The following NR4A3 variants were observed in gnomAD, a reference collection of about 807,000 sequenced individuals.
NR4A3 encodes chondrosarcoma, extraskeletal myxoid, fused to EWS.
A neutral mutation model predicts 55.6 loss-of-function variants in NR4A3; 13 were observed. The observed-to-expected ratio is 0.23, with a 90% confidence interval of 0.15 to 0.37. NR4A3 has a LOEUF of 0.37. Ranked by LOEUF, NR4A3 falls within the 10% of genes least tolerant of loss-of-function variation. The probability of loss-of-function intolerance (pLI) is 1.00; values close to 1 mark genes in which losing one functional copy is unlikely to be tolerated. For missense variants in NR4A3, 646 were observed against 822.8 expected (o/e 0.79, Z 2.63); for synonymous variants, 342 against 357.9 (o/e 0.96, Z 0.50).
rs974055797 is a variant in NR4A3 at position 99,822,199 on chromosome 9, C to G, written c.-385C>G. ...GGCATCCTCCCCCCTGGTCACAGCC[C>G]AAGCCAGGACGCCCGCGGAACCTCT... On this transcript the variant is annotated 5_prime_UTR_variant, in exon 1 of 8. Coordinates refer to ENST00000395097, the MANE Select transcript of NR4A3 (RefSeq NM_006981.4). This position sits in a 1 kb window ranked among gnomAD's most constrained non-coding sequence, Gnocchi z 4.9. 1 of 152,432 alleles carries G rather than the reference C, an allele frequency of 6.6e-6. No homozygotes were observed. Among genetic ancestry groups the G allele is most frequent in the Admixed American group, 6.5e-5 (1 of 15,276 alleles). 9.4% of individuals were successfully genotyped at this position (152,432 alleles called of 1,614,324 possible).
At position 99,833,442 on chromosome 9, in the gene NR4A3, T is replaced by G; in HGVS notation, c.1242T>G (p.Leu414=). 1 of 1,614,122 alleles carries G rather than the reference T, an allele frequency of 6.2e-7. No individual in the cohort carries two copies. The highest frequency in any genetic ancestry group is 1.1e-5 in the South Asian group (1 of 91,080). The stretch of plus-strand genomic sequence containing the variant: ...TAACAGACTCAACACCCAGAGATCT[T>G]GATTATTCCAGAGTAAGTTTTATGA... ...RALTDSTPRD[L]DYSRYCPTDQ... is the part of the protein sequence containing the mutation. The change falls in exon 5 of 8, where the codon CTT becomes CTG. Residue 414 remains leucine, a synonymous_variant. Transcript: ENST00000395097.
rs1827200499 is a variant in NR4A3 at position 99,822,497 on chromosome 9, G to A, written c.-177+90G>A. ...TCGCTCCTGAAATTGACAACTTTGA[G>A]TGTGGGGTTCCCTCCCCTGACCTTG... On this transcript the variant is annotated intron_variant, in intron 1 of 7. Transcript: ENST00000395097. The surrounding 1 kb of genome is among the most constrained non-coding windows in gnomAD (Gnocchi z 4.9). The A allele has an allele frequency of 6.6e-6, 1 of 152,396 alleles. No individual in the cohort carries two copies. Among genetic ancestry groups the A allele is most frequent in the Admixed American group, 6.5e-5 (1 of 15,292 alleles). The allele number at this position is 152,396 out of a possible 1,614,324, so 9.4% of individuals were successfully genotyped here.
intron 7 of NR4A3, among the ~76,000 whole-genome samples, chr9:99,851,104 C>G (rs536620922): frequency 3.3e-5 from 5 of 152,186 alleles, no homozygotes; most frequent in Non-Finnish European, 7.3e-5. Flanking sequence ...CAGGTAGCTC[C>G]TGTTCCTGCC....
intron 7 of NR4A3, among the ~76,000 whole-genome samples, chr9:99,859,368 T>C (rs570911511): frequency 3.3e-5 from 5 of 152,182 alleles, no homozygotes; most frequent in Non-Finnish European, 7.4e-5. Flanking sequence ...TTCAAATTAC[T>C]AGGGAAGGAC....
At chr9:99,852,152 C>T (rs1743331366) in intron 7 of NR4A3, among the ~76,000 whole-genome samples, 1 of 151,994 alleles carries the variant, frequency 6.6e-6, no homozygotes, top group South Asian at 2.1e-4. Context: ...GAATGACTTC[C>T]CAAAGAGGTA....
Position 99,866,669 on chromosome 9 carries a change from A to G in NR4A3, c.*2802A>G. 4.5e-6 allele frequency: 1 copy of G among 224,660 alleles called. No individual in the cohort carries two copies. 13.9% of individuals were successfully genotyped at this position (224,660 alleles called of 1,614,324 possible). On this transcript the variant is annotated 3_prime_UTR_variant, in exon 8 of 8. Coordinates refer to ENST00000395097, the MANE Select transcript of NR4A3 (RefSeq NM_006981.4). ...AGGTGATTCCTCCCCTTGGCGGGAG[A>G]GCTCTCTCAGTGTGAACATGCCTTC...
chr9:99,844,186 G>T (rs756381060), intron 5 of NR4A3, among the ~76,000 whole-genome samples: 3 of 152,196 alleles, frequency 2.0e-5, no homozygotes, highest in African/African-American at 7.2e-5. Flanking sequence ...ATAGTGAAAT[G>T]AGTAGACCCT....
intron 5 of NR4A3, among the ~76,000 whole-genome samples, chr9:99,837,316 A>G (rs955361223): frequency 2.6e-5 from 4 of 152,186 alleles, no homozygotes; most frequent in African/African-American, 9.7e-5. Flanking sequence ...AGTTTTACAT[A>G]TACAAATTCA....
In NR4A3 at chr9:99,825,343, G is replaced by T. The variant is rs968213004; in HGVS notation, c.-176-316G>T. Among the ~76,000 whole-genome samples, 1 of 151,898 alleles carries T rather than the reference G, an allele frequency of 6.6e-6. No individual in the cohort carries two copies. The highest frequency in any genetic ancestry group is 2.4e-5 in the African/African-American group (1 of 41,372). On this transcript the variant is annotated intron_variant, in intron 1 of 7. Transcript: ENST00000395097. The surrounding 1 kb of genome is among the most constrained non-coding windows in gnomAD (Gnocchi z 5.0). ...CGTAAGCTCGGAATCAATTGTGGGG[G>T]CAGAGAGATCAATTTCTGGGCAATA... is the stretch of plus-strand genomic sequence containing the variant.
rs1828056704 is a variant in NR4A3, at chr9:99,864,301, T to C, written c.*434T>C. 4.2e-6 allele frequency: 1 copy of C among 235,422 alleles called. No individual in the cohort carries two copies. Among genetic ancestry groups the C allele is most frequent in the Non-Finnish European group, 8.4e-6 (1 of 118,842 alleles). The allele number at this position is 235,422 out of a possible 1,614,324, so 14.6% of individuals were successfully genotyped here. On this transcript the variant is annotated 3_prime_UTR_variant, in exon 8 of 8. Transcript: ENST00000395097. ...CCAGGGTAGGATGTGTCTTAAAGATTGGTCCCTTGAAAATATGCTTCCTGT... is the reference window on the plus strand; with the variant it reads ...CCAGGGTAGGATGTGTCTTAAAGATCGGTCCCTTGAAAATATGCTTCCTGT...
At chr9:99,847,140 C>T (rs1037125797) in intron 6 of NR4A3, among the ~76,000 whole-genome samples, 7 of 152,234 alleles carry the variant, frequency 4.6e-5, no homozygotes, top group Non-Finnish European at 8.8e-5. Flanking sequence ...CCTGCTCCCC[C>T]ATTTCCTGTC....
At chr9:99,848,451 TCTC>T (rs944992592) in intron 7 of NR4A3, among the ~76,000 whole-genome samples, 3 of 152,190 alleles carry the variant, frequency 2.0e-5, no homozygotes, top group Admixed American at 6.5e-5. Flanking sequence ...TCCAAGCAAT[TCTC>T]CTGTCTCACC....
In NR4A3 at chr9:99,847,406, G is replaced by A. The variant is rs1378328604; in HGVS notation, c.1455-31G>A. On this transcript the variant is annotated intron_variant, in intron 6 of 7. Coordinates refer to ENST00000395097, the MANE Select transcript of NR4A3 (RefSeq NM_006981.4). Reference sequence around the variant, plus strand: ...CATGTTGGACAGATTGAACAGACCTGTTTAATGTTTGTCTTCCTCTCACCT... The same window carrying A: ...CATGTTGGACAGATTGAACAGACCTATTTAATGTTTGTCTTCCTCTCACCT... The A allele has an allele frequency of 1.9e-6, 3 of 1,605,912 alleles. No individual in the cohort carries two copies. In the African/African-American group the frequency reaches 4.0e-5, roughly 21 times the overall value.
At chr9:99,862,549 CAAAAAA>C (rs59274273) in intron 7 of NR4A3, among the ~76,000 whole-genome samples, 58 of 72,784 alleles carry the variant, frequency 8.0e-4, no homozygotes, top group African/African-American at 1.8e-3. Flanking sequence ...GACTCTGTCT[CAAAAAA>C]AAAAAAAAAA....
chr9:99,844,880 T>G, intron 6 of NR4A3, 32 bp downstream of exon 6: 1 of 1,536,822 alleles, frequency 6.5e-7, no homozygotes, highest in Non-Finnish European at 9.0e-7. Flanking sequence ...TCAGTCTACG[T>G]CCTTTGAAGA....
At chr9:99,849,636 G>A (rs1827816189) in intron 7 of NR4A3, among the ~76,000 whole-genome samples, 1 of 152,152 alleles carries the variant, frequency 6.6e-6, no homozygotes, top group Non-Finnish European at 1.5e-5. Context: ...AGAAAGTATG[G>A]AGTTTAGTTC....
At position 99,828,185 on chromosome 9, in the gene NR4A3, C is replaced by A; in HGVS notation, c.143C>A (p.Thr48Lys). The A allele has an allele frequency of 6.2e-7, 1 of 1,614,118 alleles. No homozygotes were observed. Residue 48 changes from threonine (T) to lysine (K), a missense_variant, in exon 3 of 8, where the codon ACG (threonine) becomes AAG (lysine). Thr to Lys is a moderately conservative substitution (Grantham distance 78, BLOSUM62 -1). Around this residue, in one of 5 missense-constraint regions of NR4A3, gnomAD observed 426 missense variants for 429.4 expected, o/e 0.99. Transcript: ENST00000395097. The surrounding 1 kb of genome is among the most constrained non-coding windows in gnomAD (Gnocchi z 7.7). Reference sequence around the variant, plus strand: ...ATGGACCTTGGCAGCACTGAGATCACGGCTACAGCCACCACGTCCCTGCCC... The same window carrying A: ...ATGGACCTTGGCAGCACTGAGATCAAGGCTACAGCCACCACGTCCCTGCCC... ...LTMDLGSTEI[T>K]ATATTSLPSI...
rs1392783828 is a variant in NR4A3 at position 99,866,031 on chromosome 9, T to A, written c.*2164T>A. 6 of 216,014 alleles carry A rather than the reference T, an allele frequency of 2.8e-5. No homozygotes were observed. The Admixed American group carries it at 3.5e-4, about 13-fold the overall frequency. The allele number at this position is 216,014 out of a possible 1,614,324, so 13.4% of individuals were successfully genotyped here. A position where few individuals can be genotyped will look rare whatever the true frequency, so the allele number is the denominator to read the frequency against. On this transcript the variant is annotated 3_prime_UTR_variant, in exon 8 of 8. Transcript: ENST00000395097. ...CTAATTTACCTTTCCATACTCTTTTTTTTTCTCAACTTCATCTATATAAAA... is the reference window on the plus strand; with the variant it reads ...CTAATTTACCTTTCCATACTCTTTTATTTTCTCAACTTCATCTATATAAAA...
At chr9:99,824,389 T>C (rs1160422855) in intron 1 of NR4A3, among the ~76,000 whole-genome samples, 1 of 152,112 alleles carries the variant, frequency 6.6e-6, no homozygotes. Flanking sequence ...GGGTGGGGGA[T>C]TGCTGGAGAC....
Sources: allele counts gnomAD v4.1 joint callset (sites outside exome capture counted in the v4.1 genomes callset), GRCh38; gene constraint gnomAD v4.1.1; regional missense constraint gnomAD v4.1.1; non-coding constraint Gnocchi (gnomAD v3.1); transcripts MANE v1.5; gene names NCBI Gene and HGNC (gene_info 2026-07-23, HGNC 2026-07-21).